GREB1: variants seen among roughly 807,000 people sequenced by gnomAD.
GREB1 encodes the protein growth regulating estrogen receptor binding 1.
A neutral mutation model predicts 200.7 loss-of-function variants in GREB1; 106 were observed. The ratio of observed to expected loss-of-function variants is 0.53; its 90% CI spans 0.45 to 0.62. GREB1 has a LOEUF of 0.62. GREB1 is among the 20% of genes least tolerant of loss of function. The probability of loss-of-function intolerance (pLI) is 0.00; values close to 1 mark genes in which losing one functional copy is unlikely to be tolerated. For missense variants in GREB1, 2,243 were observed against 2,556.8 expected (o/e 0.88, Z 2.65); for synonymous variants, 1,132 against 1,092.4 (o/e 1.04, Z -0.72).
Position 11,640,464 on chromosome 2 carries a change from C to T in GREB1, c.*10C>T, listed in dbSNP as rs1275224800. On this transcript the variant is annotated 3_prime_UTR_variant, in exon 33 of 33. Transcript: ENST00000381486. This position sits in a 1 kb window ranked among gnomAD's most constrained non-coding sequence, Gnocchi z 4.6. ...GGGACGACACATCTGAGGAAGACAG[C>T]GGCGAGTTTTCTGAAGAGATGAGTG... 2.5e-6 allele frequency: 4 copies of T among 1,613,820 alleles called. No individual in the cohort carries two copies. Among genetic ancestry groups the T allele is most frequent in the East Asian group, 2.2e-5 (1 of 44,872 alleles).
rs1457679839 is a variant in GREB1, at chr2:11,629,234, G to T, written c.4450-714G>T. ...GGGATGTCAGTAGGAAGGGCCGTGG[G>T]TCGGTGGGGTCGTAAGAGGACGTTC... On this transcript the variant is annotated intron_variant, in intron 25 of 32. Transcript: ENST00000381486. The surrounding 1 kb of genome is among the most constrained non-coding windows in gnomAD (Gnocchi z 5.2). Among the ~76,000 whole-genome samples, 2 of 152,146 alleles carry T rather than the reference G, an allele frequency of 1.3e-5. No homozygotes were observed. Among genetic ancestry groups the T allele is most frequent in the Non-Finnish European group, 2.9e-5 (2 of 68,032 alleles).
chr2:11,515,136 A>ATCCC (rs199951206), intron 1 of GREB1, among the ~76,000 whole-genome samples: 2 of 137,396 alleles, frequency 1.5e-5, no homozygotes, highest in Admixed American at 7.2e-5. Context: ...CCATCCATCC[A>ATCCC]CCCACCCCCC....
chr2:11,631,090 TG>T (rs1684839401), intron 26 of GREB1, among the ~76,000 whole-genome samples: 1 of 152,168 alleles, frequency 6.6e-6, no homozygotes. Flanking sequence ...ATATGAGAGC[TG>T]GGGTTTCTCC....
At chr2:11,626,416 C>T (rs1462029703) in intron 24 of GREB1, among the ~76,000 whole-genome samples, 2 of 152,038 alleles carry the variant, frequency 1.3e-5, no homozygotes, top group Non-Finnish European at 2.9e-5. Flanking sequence ...GGCAAAACCC[C>T]GTCTCTACAA....
At chr2:11,524,492 AC>A (rs1362389622) in intron 1 of GREB1, among the ~76,000 whole-genome samples, 3 of 152,216 alleles carry the variant, frequency 2.0e-5, no homozygotes, top group African/African-American at 7.2e-5. Flanking sequence ...TGTGTGCCAT[AC>A]TTAGGTGGAA....
At chr2:11,534,689 C>G (rs181363688) in intron 1 of GREB1, among the ~76,000 whole-genome samples, 1,772 of 152,234 alleles carry the variant, frequency 0.012, 18 homozygotes, top group Middle Eastern at 0.031. Flanking sequence ...CAGAGTGTGG[C>G]CCTCAGTCTT....
intron 1 of GREB1, among the ~76,000 whole-genome samples, chr2:11,527,453 G>A (rs181988063): frequency 6.6e-6 from 1 of 152,306 alleles, no homozygotes; most frequent in Non-Finnish European, 1.5e-5. Context: ...AATAACCAAG[G>A]TAATAACATT....
intron 18 of GREB1, among the ~76,000 whole-genome samples, chr2:11,611,848 G>A (rs1682958781): frequency 6.6e-6 from 1 of 152,160 alleles, no homozygotes; most frequent in African/African-American, 2.4e-5. Context: ...CAAATGAGTG[G>A]AAAACAGGAA....
In GREB1 at chr2:11,566,575, C is replaced by G. The variant is rs1677687857; in HGVS notation, c.373C>G (p.Pro125Ala). 1.9e-6 allele frequency: 3 copies of G among 1,614,032 alleles called. No individual in the cohort carries two copies. Among genetic ancestry groups the G allele is most frequent in the Admixed American group, 3.3e-5 (2 of 59,998 alleles). The change falls in exon 4 of 33, where the codon CCC (proline) becomes GCC (alanine). Residue 125 changes from proline to alanine, a missense_variant. Around this residue, in one of 3 missense-constraint regions of GREB1, gnomAD observed 1,178 missense variants for 1,387.4 expected, o/e 0.85. Transcript: ENST00000381486. ...CTTTCTCCTCGTGGGGGTCAAGTCC[C>G]CCAGCCTGCCGGACCATCTCCTGGT... ...AGFLLVGVKSPSLPDHLLVCA... is the reference protein window; with the variant it reads ...AGFLLVGVKSASLPDHLLVCA...
chr2:11,507,313 G>C (rs1286259267), intron 1 of GREB1, among the ~76,000 whole-genome samples: 1 of 151,098 alleles, frequency 6.6e-6, no homozygotes, highest in East Asian at 2.0e-4. Context: ...GGAGGCTGAG[G>C]CAGGAGAATT....
intron 15 of GREB1, 78 bp from the exon 16 acceptor site, chr2:11,600,722 A>C (rs560831857): frequency 8.5e-7 from 1 of 1,175,924 alleles, no homozygotes; most frequent in Non-Finnish European, 1.3e-6. Context: ...GTTAGTTATA[A>C]ATTTATTCAA....
intron 1 of GREB1, among the ~76,000 whole-genome samples, chr2:11,546,766 C>T (rs1675318566): frequency 6.6e-6 from 1 of 152,152 alleles, no homozygotes; most frequent in South Asian, 2.1e-4. Flanking sequence ...CAGGCTTAGT[C>T]TCCTTAGGCC....
At chr2:11,619,817 G>C (rs1050236615) in intron 22 of GREB1, among the ~76,000 whole-genome samples, 5 of 152,122 alleles carry the variant, frequency 3.3e-5, no homozygotes, top group Admixed American at 2.6e-4. Flanking sequence ...TCTATCATCT[G>C]TATTGCAGAT....
intron 3 of GREB1, 180 bp downstream of exon 3, chr2:11,562,762 C>T: frequency 1.7e-6 from 1 of 572,198 alleles, no homozygotes. Flanking sequence ...CCGGCCTGCC[C>T]TCCTGAAACA....
chr2:11,629,366 G>A lies in GREB1; in HGVS notation c.4450-582G>A, dbSNP rs1013711313. Among the ~76,000 whole-genome samples, 5 of 152,182 alleles carry A rather than the reference G, an allele frequency of 3.3e-5. No individual in the cohort carries two copies. Among genetic ancestry groups the A allele is most frequent in the Non-Finnish European group, 5.9e-5 (4 of 68,042 alleles). ...GAGGCTGGAGGAGGTGACTAAGGGCGCAGCCAGACTTGGTGACTTGGTGAC... is the reference window on the plus strand; with the variant it reads ...GAGGCTGGAGGAGGTGACTAAGGGCACAGCCAGACTTGGTGACTTGGTGAC... On this transcript the variant is annotated intron_variant, in intron 25 of 32. Coordinates refer to ENST00000381486, the MANE Select transcript of GREB1 (RefSeq NM_014668.4). The surrounding 1 kb of genome is among the most constrained non-coding windows in gnomAD (Gnocchi z 5.2).
At chr2:11,639,491 C>T (rs1199135711) in intron 32 of GREB1, among the ~76,000 whole-genome samples, 1 of 152,234 alleles carries the variant, frequency 6.6e-6, no homozygotes, top group Non-Finnish European at 1.5e-5. Context: ...TGGGAGGTGC[C>T]ACACCACCTT....
At chr2:11,613,989 A>G (rs116474036) in intron 19 of GREB1, among the ~76,000 whole-genome samples, 1 of 152,134 alleles carries the variant, frequency 6.6e-6, no homozygotes, top group Non-Finnish European at 1.5e-5. Context: ...TCTGCTGCTC[A>G]CAGATAGCAT....
At chr2:11,614,623 A>ACACAATCTCGGCT (rs1377959395) in intron 19 of GREB1, among the ~76,000 whole-genome samples, 1 of 151,398 alleles carries the variant, frequency 6.6e-6, no homozygotes, top group African/African-American at 2.4e-5. Flanking sequence ...GATTGCAGTG[A>ACACAATCTCGGCT]CACAATCTCG....
chr2:11,602,340 C>T (rs189789823), intron 16 of GREB1, 66 bp from the exon 17 acceptor site: 317 of 1,490,026 alleles, frequency 2.1e-4, no homozygotes, highest in Non-Finnish European at 8.4e-5. Context: ...GCAGGCCTGG[C>T]ACACGAACCT....
Sources: allele counts gnomAD v4.1 joint callset (sites outside exome capture counted in the v4.1 genomes callset), GRCh38; gene constraint gnomAD v4.1.1; regional missense constraint gnomAD v4.1.1; non-coding constraint Gnocchi (gnomAD v3.1); transcripts MANE v1.5; gene names NCBI Gene and HGNC (gene_info 2026-07-23, HGNC 2026-07-21).